The following RPTOR variants were observed in gnomAD, a reference collection of about 807,000 sequenced individuals.
RPTOR encodes regulatory-associated protein of mTOR.
In RPTOR, 21 loss-of-function variants were observed where a neutral mutation model predicts 169.9. The ratio of observed to expected loss-of-function variants is 0.12; its 90% CI spans 0.09 to 0.18. The LOEUF is 0.18. Among genes scored for constraint, RPTOR ranks in the 10% least tolerant of loss-of-function variants. RPTOR has a pLI of 1.00. For synonymous variants in RPTOR, 732 were observed against 753.2 expected (o/e 0.97, Z 0.46); for missense variants, 1,133 against 1,855.9 (o/e 0.61, Z 7.16).
At chr17:80,617,584 A>G (rs930646793) in intron 1 of RPTOR, among the ~76,000 whole-genome samples, 2 of 152,206 alleles carry the variant, frequency 1.3e-5, no homozygotes, top group Admixed American at 1.3e-4. Flanking sequence ...AAGTGTAGAG[A>G]AAAATGAATC....
rs199748729 is a variant in RPTOR, at chr17:80,659,400, C to T, written c.348+15590C>T. Among the ~76,000 whole-genome samples the T allele has an allele frequency of 1.4e-4, 22 of 152,294 alleles. No homozygotes were observed. The East Asian group carries it at 3.5e-3, about 24-fold the overall frequency. On this transcript the variant is annotated intron_variant, in intron 3 of 33. Transcript: ENST00000306801. This position sits in a 1 kb window ranked among gnomAD's most constrained non-coding sequence, Gnocchi z 4.3. ...AGGCTGGGGTGCAGTGGTGCAATCA[C>T]GGGTCACCGCAGCCTCGACCTCCTG...
intron 22 of RPTOR, 139 bp downstream of exon 22, chr17:80,922,966 C>T (rs2068764539): frequency 1.5e-6 from 1 of 685,276 alleles, no homozygotes; most frequent in Non-Finnish European, 2.4e-6. Context: ...CTCCAGCGGG[C>T]GTTCTTTCCC....
At position 80,845,958 on chromosome 17, in the gene RPTOR, G is replaced by A. The variant is rs370930702; in HGVS notation, c.1213-515G>A. Among the ~76,000 whole-genome samples, 6 of 152,140 alleles carry A rather than the reference G, an allele frequency of 3.9e-5. No homozygotes were observed. The highest frequency in any genetic ancestry group is 6.5e-5 in the Admixed American group (1 of 15,280). On this transcript the variant is annotated intron_variant, in intron 10 of 33. Transcript: ENST00000306801. The surrounding 1 kb of genome is among the most constrained non-coding windows in gnomAD (Gnocchi z 5.4). Reference sequence around the variant, plus strand: ...TTCCCTCCACTGCCGGGCCCTCACCGGCCCCAGCGCGGCCCCAGCTCATCT... The same window carrying A: ...TTCCCTCCACTGCCGGGCCCTCACCAGCCCCAGCGCGGCCCCAGCTCATCT...
Position 80,634,280 on chromosome 17 carries a change from G to GTGTGTGTGCGTAC in RPTOR, c.265+8496_265+8508dup, listed in dbSNP as rs1408642836. Among the ~76,000 whole-genome samples the GTGTGTGTGCGTAC allele has an allele frequency of 4.6e-3, 664 of 144,774 alleles. 75 individuals are homozygous for GTGTGTGTGCGTAC. Among genetic ancestry groups the GTGTGTGTGCGTAC allele is most frequent in the African/African-American group, 0.017 (619 of 35,876 alleles). The allele number at this position is 144,774 out of a possible 152,430, so 95.0% of individuals were successfully genotyped here. On this transcript the variant is annotated intron_variant, in intron 2 of 33. Coordinates refer to ENST00000306801, the MANE Select transcript of RPTOR (RefSeq NM_020761.3). ...CGTGCATACCGTGTGTGTGCGTACT[G>GTGTGTGTGCGTAC]TGTGTGTGCGTACTGTGTGTGTGCG...
chr17:80,565,933 T>C (rs746557871), intron 1 of RPTOR, among the ~76,000 whole-genome samples: 5 of 152,260 alleles, frequency 3.3e-5, no homozygotes, highest in Non-Finnish European at 7.3e-5. Context: ...ACACTGCTCT[T>C]GCTTAGTTTT....
At chr17:80,711,725 CAT>C (rs2066192391) in intron 4 of RPTOR, among the ~76,000 whole-genome samples, 1 of 115,128 alleles carries the variant, frequency 8.7e-6, no homozygotes, top group South Asian at 2.4e-4. Flanking sequence ...GGGAAGTTAA[CAT>C]ATAGTTATAC....
chr17:80,864,994 A>G (rs2143779903), intron 13 of RPTOR, among the ~76,000 whole-genome samples: 1 of 152,368 alleles, frequency 6.6e-6, no homozygotes, highest in South Asian at 2.1e-4. Context: ...CACCCCACAG[A>G]ATGTATAACA....
intron 17 of RPTOR, among the ~76,000 whole-genome samples, chr17:80,888,269 C>T (rs2068273222): frequency 6.6e-6 from 1 of 152,196 alleles, no homozygotes; most frequent in African/African-American, 2.4e-5. Context: ...CGCGTGCCAC[C>T]ATGCTGGGCT....
At chr17:80,948,658 AG>A (rs2144062286) in intron 27 of RPTOR, 1 of 152,766 alleles carries the variant, frequency 6.5e-6, no homozygotes, top group East Asian at 1.9e-4. Flanking sequence ...CGGGACAGGC[AG>A]GTGGGTGGAG....
chr17:80,711,399 G>C (rs1052927721), intron 4 of RPTOR, among the ~76,000 whole-genome samples: 11 of 152,028 alleles, frequency 7.2e-5, no homozygotes, highest in Admixed American at 6.5e-4. Context: ...CCATTTGAAA[G>C]ATGCAGACAT....
At chr17:80,822,372 TGA>T in intron 8 of RPTOR, 71 bp downstream of exon 8, 2 of 1,442,462 alleles carry the variant, frequency 1.4e-6, no homozygotes, top group East Asian at 2.3e-5. Flanking sequence ...CTCTCGGACA[TGA>T]GAGGAGTCAG....
chr17:80,871,087 G>A (rs1205545353), intron 13 of RPTOR, among the ~76,000 whole-genome samples: 2 of 152,022 alleles, frequency 1.3e-5, no homozygotes, highest in African/African-American at 2.4e-5. Flanking sequence ...TTGTAGACTG[G>A]CCCTCTGTTT....
chr17:80,949,426 C>A lies in RPTOR; in HGVS notation c.3266-17C>A, dbSNP rs2069145659. ...TCGAGGGGCCTGGTTCACATCCTTT[C>A]CTCTCTCCCTCCCCAGACGATGGTG... On this transcript the variant is annotated splice_polypyrimidine_tract_variant and intron_variant, in intron 27 of 33. Coordinates refer to ENST00000306801, the MANE Select transcript of RPTOR (RefSeq NM_020761.3). The A allele has an allele frequency of 6.2e-7, 1 of 1,605,540 alleles. No homozygotes were observed. The highest frequency in any genetic ancestry group is 1.3e-5 in the African/African-American group (1 of 74,880).
chr17:80,664,974 C>T (rs1567845658), intron 3 of RPTOR, among the ~76,000 whole-genome samples: 1 of 152,176 alleles, frequency 6.6e-6, no homozygotes, highest in Non-Finnish European at 1.5e-5. Context: ...CTGCAGAGAC[C>T]TTTTTCTCCT....
chr17:80,749,491 G>A, intron 5 of RPTOR, among the ~76,000 whole-genome samples: 1 of 130,352 alleles, frequency 7.7e-6, no homozygotes, highest in African/African-American at 2.9e-5. Context: ...GGGCTGCGGT[G>A]TGTGTTTGGA....
intron 7 of RPTOR, among the ~76,000 whole-genome samples, chr17:80,793,812 G>C (rs991478819): frequency 6.6e-6 from 1 of 152,240 alleles, no homozygotes; most frequent in East Asian, 1.9e-4. Flanking sequence ...TTTGTTTTAG[G>C]TTATTGAGTC....
chr17:80,813,836 A>T (rs1299332408), intron 7 of RPTOR, among the ~76,000 whole-genome samples: 4 of 152,232 alleles, frequency 2.6e-5, no homozygotes, highest in Non-Finnish European at 4.4e-5. Flanking sequence ...ATAAATTTTT[A>T]AAATCATACA....
chr17:80,844,711 C>T lies in RPTOR; in HGVS notation c.1213-1762C>T, dbSNP rs1023023646. On this transcript the variant is annotated intron_variant, in intron 10 of 33. Coordinates refer to ENST00000306801, the MANE Select transcript of RPTOR (RefSeq NM_020761.3). This position sits in a 1 kb window ranked among gnomAD's most constrained non-coding sequence, Gnocchi z 4.7. ...GCCACGGGGCTCTGCCCGCCAGGCTCCTCTGTGGAGGCTGCCGAGAGCGCT... is the reference window on the plus strand; with the variant it reads ...GCCACGGGGCTCTGCCCGCCAGGCTTCTCTGTGGAGGCTGCCGAGAGCGCT... Among the ~76,000 whole-genome samples the T allele has an allele frequency of 3.9e-5, 6 of 152,200 alleles. No homozygotes were observed. The highest frequency in any genetic ancestry group is 1.4e-4 in the African/African-American group (6 of 41,450).
chr17:80,813,993 C>T (rs942867359), intron 7 of RPTOR, among the ~76,000 whole-genome samples: 2 of 152,136 alleles, frequency 1.3e-5, no homozygotes, highest in East Asian at 3.9e-4. Context: ...AAATTAGCTA[C>T]GTGTGGTGGC....
Sources: gnomAD v4.1 joint callset for allele counts (sites outside exome capture counted in the v4.1 genomes callset) on GRCh38, gnomAD v4.1.1 for gene constraint, Gnocchi (gnomAD v3.1) non-coding constraint, MANE v1.5 for transcripts, NCBI Gene and HGNC (gene_info 2026-07-23, HGNC 2026-07-21) for gene names.